The following JAZF1 variants were observed in gnomAD, a reference collection of about 807,000 sequenced individuals.
The protein encoded by JAZF1 is juxtaposed with another zinc finger protein 1.
A neutral mutation model predicts 26.4 loss-of-function variants in JAZF1; 8 were observed. The observed-to-expected ratio is 0.30, with a 90% CI of 0.18 to 0.55. The LOEUF is 0.55. Among genes scored for constraint, JAZF1 ranks in the 20% least tolerant of loss-of-function variants. The probability of loss-of-function intolerance (pLI) is 0.94; values close to 1 mark genes in which losing one functional copy is unlikely to be tolerated. For missense variants in JAZF1, 199 were observed against 322.0 expected (o/e 0.62, Z 2.92); for synonymous variants, 126 against 122.3 (o/e 1.03, Z -0.20).
At chr7:28,050,974 T>A (rs963535166) in intron 1 of JAZF1, among the ~76,000 whole-genome samples, 2 of 151,524 alleles carry the variant, frequency 1.3e-5, no homozygotes, top group South Asian at 4.2e-4. Flanking sequence ...CTACTAAAAA[T>A]ACAAAAAATT....
intron 1 of JAZF1, among the ~76,000 whole-genome samples, chr7:28,134,947 TA>T (rs1782857297): frequency 6.6e-6 from 1 of 152,210 alleles, no homozygotes; most frequent in Non-Finnish European, 1.5e-5. Flanking sequence ...GCTTTATATA[TA>T]CACGTGCTCA....
intron 1 of JAZF1, among the ~76,000 whole-genome samples, chr7:28,088,227 G>A (rs934306561): frequency 3.3e-5 from 5 of 152,190 alleles, no homozygotes; most frequent in African/African-American, 1.2e-4. Flanking sequence ...GTTTCAACTG[G>A]TATCATGTTC....
At chr7:28,121,542 A>AG (rs2127938084) in intron 1 of JAZF1, among the ~76,000 whole-genome samples, 1 of 152,310 alleles carries the variant, frequency 6.6e-6, no homozygotes, top group South Asian at 2.1e-4. Context: ...ATGACACTCA[A>AG]GGGGGAAATG....
At chr7:27,957,432 T>G (rs1785116846) in intron 2 of JAZF1, among the ~76,000 whole-genome samples, 2 of 152,196 alleles carry the variant, frequency 1.3e-5, no homozygotes, top group Admixed American at 6.5e-5. Flanking sequence ...AGTGGGGACA[T>G]TTCTGCAGGA....
intron 2 of JAZF1, among the ~76,000 whole-genome samples, chr7:27,899,582 G>GC (rs977932381): frequency 1.1e-4 from 16 of 151,830 alleles, no homozygotes; most frequent in African/African-American, 2.9e-4. Context: ...CTACAGGCAC[G>GC]CCCCCCCATG....
rs747365972 is a variant in JAZF1, at chr7:28,109,485, C to T, written c.115+70978G>A. Among the ~76,000 whole-genome samples, 11 of 152,214 alleles carry T rather than the reference C, an allele frequency of 7.2e-5. No individual in the cohort carries two copies. The South Asian group carries it at 1.2e-3, about 17-fold the overall frequency. ...CATATTTCATCTGATAACCCATAAA[C>T]GCTCTCTCAAGGTATATCAACCACC... On this transcript the variant is annotated intron_variant, in intron 1 of 4. Transcript: ENST00000283928.
chr7:28,022,152 T>C (rs1283538716), intron 1 of JAZF1, among the ~76,000 whole-genome samples: 1 of 152,200 alleles, frequency 6.6e-6, no homozygotes, highest in Non-Finnish European at 1.5e-5. Context: ...AAGGATATGC[T>C]CAGATAAATC....
chr7:28,033,164 T>C (rs1332426415), intron 1 of JAZF1, among the ~76,000 whole-genome samples: 2 of 152,016 alleles, frequency 1.3e-5, no homozygotes, highest in Non-Finnish European at 2.9e-5. Context: ...TGGTACTTAG[T>C]TGACATAATG....
At chr7:27,939,176 G>T (rs1784805184) in intron 2 of JAZF1, among the ~76,000 whole-genome samples, 1 of 152,134 alleles carries the variant, frequency 6.6e-6, no homozygotes, top group Admixed American at 6.5e-5. Flanking sequence ...ATGGTTAGAG[G>T]CTCATTACTT....
At chr7:28,084,372 T>A (rs547336719) in intron 1 of JAZF1, among the ~76,000 whole-genome samples, 2 of 152,306 alleles carry the variant, frequency 1.3e-5, no homozygotes, top group East Asian at 3.9e-4. Context: ...CAAAGTACTA[T>A]GAGATGACTC....
rs531437890 is a variant in JAZF1, at chr7:27,881,775, ATC to A, written c.385+13443_385+13444del. 3.9e-5 allele frequency among the ~76,000 whole-genome samples: 6 copies of A among 152,284 alleles called. No homozygotes were observed. In the East Asian group the frequency reaches 1.2e-3, roughly 29 times the overall value. ...TGAGGATGCACCAACAGAAATGCAT[ATC>A]GAGGGCCTTTCCACCCCTGAATTTA... On this transcript the variant is annotated intron_variant, in intron 3 of 4. Transcript: ENST00000283928.
At chr7:28,121,656 C>T (rs1044099054) in intron 1 of JAZF1, among the ~76,000 whole-genome samples, 2 of 152,258 alleles carry the variant, frequency 1.3e-5, no homozygotes, top group South Asian at 2.1e-4. Context: ...TTAACAGAGG[C>T]GTAGTTGCAT....
intron 1 of JAZF1, among the ~76,000 whole-genome samples, chr7:28,179,019 G>A (rs1783589860): frequency 6.6e-6 from 1 of 152,200 alleles, no homozygotes; most frequent in Non-Finnish European, 1.5e-5. Flanking sequence ...CTAAGCAAAG[G>A]AGCATAGGGT....
rs564265780 is a variant in JAZF1, at chr7:28,000,421, C to T, written c.116-8440G>A. On this transcript the variant is annotated intron_variant, in intron 1 of 4. Transcript: ENST00000283928. The stretch of plus-strand genomic sequence containing the variant: ...TCAATAATGTCAAAGTTGAGAAACC[C>T]TGCTTTAAAACTACACGAATATTAT... Among the ~76,000 whole-genome samples the T allele has an allele frequency of 3.3e-5, 5 of 152,198 alleles. No individual in the cohort carries two copies. In the East Asian group the frequency reaches 9.7e-4, roughly 29 times the overall value.
chr7:27,845,321 G>A (rs922764180), intron 3 of JAZF1, among the ~76,000 whole-genome samples: 1 of 152,132 alleles, frequency 6.6e-6, no homozygotes, highest in South Asian at 2.1e-4. Flanking sequence ...GGGAACTCTG[G>A]ACTGGGGGGT....
chr7:28,016,058 G>C (rs1761659684), intron 1 of JAZF1, among the ~76,000 whole-genome samples: 2 of 152,200 alleles, frequency 1.3e-5, no homozygotes, highest in Admixed American at 1.3e-4. Context: ...GGGCACTATA[G>C]AGCCTCTGAG....
intron 2 of JAZF1, among the ~76,000 whole-genome samples, chr7:27,920,876 T>A (rs1041159393): frequency 3.3e-5 from 5 of 152,258 alleles, no homozygotes; most frequent in African/African-American, 1.2e-4. Flanking sequence ...TTTCCTAATG[T>A]AAAACACAGC....
intron 1 of JAZF1, among the ~76,000 whole-genome samples, chr7:28,017,473 A>G (rs931169458): frequency 2.0e-5 from 3 of 152,182 alleles, no homozygotes; most frequent in Non-Finnish European, 2.9e-5. Context: ...AGGATTGTAC[A>G]TACTGTCGCC....
chr7:27,919,877 C>T (rs1407018316), intron 2 of JAZF1, among the ~76,000 whole-genome samples: 14 of 152,178 alleles, frequency 9.2e-5, no homozygotes. Flanking sequence ...CAAATTCAAT[C>T]CTGGTTTCCA....
Sources: allele counts gnomAD v4.1 joint callset (sites outside exome capture counted in the v4.1 genomes callset), GRCh38; gene constraint gnomAD v4.1.1; transcripts MANE v1.5; gene names NCBI Gene and HGNC (gene_info 2026-07-23, HGNC 2026-07-21).